CLCN7: variants seen among roughly 807,000 people sequenced by gnomAD.
CLCN7 encodes Cl-/H+ antiporter 7, also known as H(+)/Cl(-) exchange transporter 7.
CLCN7 carries 60 observed loss-of-function variants against 102.1 expected under a neutral mutation model. The ratio of observed to expected loss-of-function variants is 0.59; its 90% confidence interval spans 0.48 to 0.73. The LOEUF (loss-of-function observed/expected upper bound fraction) is 0.73, where lower values mean the gene tolerates loss of function less well. Among genes scored for constraint, CLCN7 ranks in the 30% least tolerant of loss-of-function variants. CLCN7 has a pLI of 0.00. For missense variants in CLCN7, 962 were observed against 1,125.7 expected (o/e 0.85, Z 2.08); for synonymous variants, 560 against 490.5 (o/e 1.14, Z -1.87).
intron 15 of CLCN7, chr16:1,452,488 C>G: frequency 1.9e-6 from 1 of 519,852 alleles, no homozygotes; most frequent in African/African-American, 1.9e-5. Flanking sequence ...GCCTGAGGCT[C>G]GCCCCGTCAG....
intron 1 of CLCN7, chr16:1,474,325 CACAG>C (rs2039120563): frequency 2.5e-6 from 1 of 394,930 alleles, no homozygotes. Flanking sequence ...CTGATCCCCA[CACAG>C]AAAGATGGCA....
chr16:1,471,928 C>G (rs932094940), intron 1 of CLCN7: 5 of 152,458 alleles, frequency 3.3e-5, no homozygotes, highest in African/African-American at 1.2e-4. Context: ...CAGGGCTGAC[C>G]TCCAGGCTCC....
At chr16:1,469,302 C>G (rs1278585083) in intron 1 of CLCN7, among the ~76,000 whole-genome samples, 2 of 152,104 alleles carry the variant, frequency 1.3e-5, no homozygotes, top group East Asian at 3.9e-4. Flanking sequence ...AAGAAAACAA[C>G]AGAGCAAAAG....
intron 11 of CLCN7, 77 bp from the exon 12 acceptor site, chr16:1,455,327 C>G: frequency 1.0e-6 from 1 of 955,920 alleles, no homozygotes; most frequent in Non-Finnish European, 1.7e-6. Flanking sequence ...CAGGGACCAT[C>G]GCCCCTCCTG....
intron 15 of CLCN7, chr16:1,451,935 C>T (rs1411783495): frequency 1.1e-5 from 6 of 565,206 alleles, no homozygotes; most frequent in Admixed American, 4.9e-5. Context: ...AGGACACACA[C>T]GGCCTAGGCC....
chr16:1,456,567 G>A (rs920032726), intron 9 of CLCN7, among the ~76,000 whole-genome samples: 16 of 152,182 alleles, frequency 1.1e-4, no homozygotes, highest in African/African-American at 3.6e-4. Context: ...TGGCCGGCGC[G>A]GTGCCTCACG....
intron 1 of CLCN7, among the ~76,000 whole-genome samples, chr16:1,467,211 A>T (rs2039017333): frequency 6.6e-6 from 1 of 152,216 alleles, no homozygotes; most frequent in African/African-American, 2.4e-5. Flanking sequence ...ACAGACAGAC[A>T]GACTCGCAGG....
At chr16:1,455,321 G>A in intron 11 of CLCN7, 71 bp from the exon 12 acceptor site, 2 of 987,132 alleles carry the variant, frequency 2.0e-6, no homozygotes, top group Middle Eastern at 2.5e-4. Flanking sequence ...GACCAGCAGG[G>A]ACCATCGCCC....
At position 1,474,844 on chromosome 16, in the gene CLCN7, G is replaced by A; in HGVS notation, c.131C>T (p.Ala44Val). 2 of 1,386,520 alleles carry A rather than the reference G, an allele frequency of 1.4e-6. No homozygotes were observed. Among genetic ancestry groups the A allele is most frequent in the South Asian group, 1.5e-5 (1 of 65,016 alleles). 85.9% of individuals were successfully genotyped at this position (1,386,520 alleles called of 1,614,324 possible). Residue 44 changes from alanine (A) to valine (V), a missense_variant, in exon 1 of 25, where the codon GCT becomes GTT. This residue lies in a region of CLCN7 where 163 missense variants were observed against 137.7 expected (regional missense o/e 1.18). Coordinates refer to ENST00000382745, the MANE Select transcript of CLCN7 (RefSeq NM_001287.6). ...TPLLNGAGPG[A>V]ARQSPRSALF... ...CCTGCCCGGCCTCACCTGGCGCGCA[G>A]CCCCAGGCCCAGCCCCGTTCAGCAG...
rs558951257 is a variant in CLCN7 at position 1,465,004 on chromosome 16, C to T, written c.213+263G>A. Among the ~76,000 whole-genome samples the T allele has an allele frequency of 3.0e-3, 460 of 152,296 alleles. 3 individuals are homozygous for T. The highest frequency in any genetic ancestry group is 7.6e-3 in the Admixed American group (116 of 15,308). On this transcript the variant is annotated intron_variant, in intron 2 of 24. Transcript: ENST00000382745. Reference sequence around the variant, plus strand: ...CCCTGTCCTTGCCCTGTCCCAAAGCCAGGTCCAGCCCCCTCGCTGCCCATG... The same window carrying T: ...CCCTGTCCTTGCCCTGTCCCAAAGCTAGGTCCAGCCCCCTCGCTGCCCATG...
intron 2 of CLCN7, among the ~76,000 whole-genome samples, chr16:1,462,655 A>T (rs2038953989): frequency 7.6e-6 from 1 of 131,364 alleles, no homozygotes; most frequent in Non-Finnish European, 1.6e-5. Context: ...CCCAACTCTT[A>T]AAAAAAAGCC....
At chr16:1,466,048 C>T (rs530813962) in intron 1 of CLCN7, among the ~76,000 whole-genome samples, 5 of 152,356 alleles carry the variant, frequency 3.3e-5, no homozygotes, top group Non-Finnish European at 4.4e-5. Flanking sequence ...CCTTTGGAGA[C>T]GACTCCAATT....
chr16:1,458,239 T>A (rs149835299), intron 7 of CLCN7, among the ~76,000 whole-genome samples: 12 of 152,082 alleles, frequency 7.9e-5, no homozygotes, highest in Non-Finnish European at 1.3e-4. Flanking sequence ...TGAGAAGGTG[T>A]GTAAGGTGTT....
At chr16:1,468,022 A>G (rs2142400428) in intron 1 of CLCN7, among the ~76,000 whole-genome samples, 1 of 152,260 alleles carries the variant, frequency 6.6e-6, no homozygotes, top group East Asian at 1.9e-4. Flanking sequence ...AGTCGAGGCT[A>G]CAGTGAGCTA....
In CLCN7 at chr16:1,460,327, G is replaced by A. The variant is rs183510475; in HGVS notation, c.594+91C>T. On this transcript the variant is annotated intron_variant, in intron 6 of 24. Transcript: ENST00000382745. ...CGGGTTGTCAGCCAATGTGATGGTGGGGGTGGGTGAGCTGCAGGGGTTCCC... is the reference window on the plus strand; with the variant it reads ...CGGGTTGTCAGCCAATGTGATGGTGAGGGTGGGTGAGCTGCAGGGGTTCCC... 139 of 924,348 alleles carry A rather than the reference G, an allele frequency of 1.5e-4. No homozygotes were observed. In the East Asian group the frequency reaches 3.4e-3, roughly 23 times the overall value. The allele number at this position is 924,348 out of a possible 1,614,324, so 57.3% of individuals were successfully genotyped here. A position where few individuals can be genotyped will look rare whatever the true frequency, so the allele number is the denominator to read the frequency against.
intron 11 of CLCN7, 88 bp downstream of exon 11, chr16:1,455,643 G>C: frequency 7.2e-7 from 1 of 1,398,352 alleles, no homozygotes; most frequent in Non-Finnish European, 1.0e-6. Context: ...GCCGCAGCTC[G>C]ATGGGTGGCC....
At position 1,456,143 on chromosome 16, in the gene CLCN7, C is replaced by T. The variant is rs1164202590; in HGVS notation, c.886G>A (p.Gly296Arg). 3.8e-6 allele frequency: 6 copies of T among 1,562,954 alleles called. No individual in the cohort carries two copies. Among genetic ancestry groups the T allele is most frequent in the East Asian group, 2.4e-5 (1 of 41,782 alleles). ...GGGGCTCCAAACGCCGCTGACACTC[C>T]GGCCGCAGCCCCTGCGGAGACGAAG... is the stretch of plus-strand genomic sequence containing the variant. ...RDFVSAGAAA[G>R]VSAAFGAPVG... The change falls in exon 10 of 25, where the codon GGA becomes AGA. Residue 296 changes from glycine (G) to arginine (R), a missense_variant. This residue lies in a region of CLCN7 where 799 missense variants were observed against 988.0 expected (regional missense o/e 0.81). Transcript: ENST00000382745.
intron 17 of CLCN7, 126 bp from the exon 18 acceptor site, chr16:1,449,453 G>C (rs368107266): frequency 2.4e-6 from 2 of 830,800 alleles, no homozygotes; most frequent in Non-Finnish European, 4.0e-6. Context: ...TCGTGGCCGC[G>C]TACATACACA....
Position 1,449,312 on chromosome 16 carries a change from CG to C in CLCN7, c.1632del (p.Gly545AlafsTer5). ...YLTGAAIWAD[P>X]GKYALMGAAA... ...GCAGCTCCCATCAGGGCGTATTTGC[CG>C]GGGTCCGCCCAGATCTGTGGGAGGT... On this transcript the variant is annotated frameshift_variant, in exon 18 of 25. Coordinates refer to ENST00000382745, the MANE Select transcript of CLCN7 (RefSeq NM_001287.6). LOFTEE classifies it high-confidence loss of function. The C allele has an allele frequency of 1.3e-6, 2 of 1,586,854 alleles. No homozygotes were observed. The highest frequency in any genetic ancestry group is 1.7e-6 in the Non-Finnish European group (2 of 1,167,008).
Sources: gnomAD v4.1 joint callset for allele counts (sites outside exome capture counted in the v4.1 genomes callset) on GRCh38, gnomAD v4.1.1 for gene constraint, gnomAD v4.1.1 regional missense constraint, MANE v1.5 for transcripts, NCBI Gene and HGNC (gene_info 2026-07-23, HGNC 2026-07-21) for gene names.